The following NRF1 variants were observed in gnomAD, a reference collection of about 807,000 sequenced individuals.
NRF1 encodes alpha palindromic-binding protein.
A neutral mutation model predicts 58.5 loss-of-function variants in NRF1; 5 were observed. The ratio of observed to expected loss-of-function variants is 0.09; its 90% CI spans 0.04 to 0.18. The LOEUF (loss-of-function observed/expected upper bound fraction) is 0.18, where lower values mean the gene tolerates loss of function less well. Among genes scored for constraint, NRF1 ranks in the 10% least tolerant of loss-of-function variants. The pLI, the probability that NRF1 is intolerant of heterozygous loss-of-function variation, is 1.00. For missense variants in NRF1, 288 were observed against 657.7 expected (o/e 0.44, Z 6.15); for synonymous variants, 224 against 246.7 (o/e 0.91, Z 0.86).
At chr7:129,642,085 TCTC>T (rs1473613362) in intron 1 of NRF1, among the ~76,000 whole-genome samples, 7 of 151,776 alleles carry the variant, frequency 4.6e-5, no homozygotes, top group Non-Finnish European at 8.8e-5. Flanking sequence ...TTCCAGCAAT[TCTC>T]CTGCCTCAGC....
chr7:129,667,000 C>T (rs898049340), intron 2 of NRF1, among the ~76,000 whole-genome samples: 25 of 152,088 alleles, frequency 1.6e-4, no homozygotes, highest in Non-Finnish European at 3.2e-4. Context: ...AAATTGTATA[C>T]TCTGTGATAT....
At chr7:129,619,459 CGTG>C (rs1800735564) in intron 1 of NRF1, among the ~76,000 whole-genome samples, 2 of 61,164 alleles carry the variant, frequency 3.3e-5, no homozygotes, top group Non-Finnish European at 5.8e-5. Flanking sequence ...TATATATACA[CGTG>C]TGTGTGTGTG....
At chr7:129,639,851 C>T (rs2151066784) in intron 1 of NRF1, among the ~76,000 whole-genome samples, 1 of 152,236 alleles carries the variant, frequency 6.6e-6, no homozygotes, top group South Asian at 2.1e-4. Flanking sequence ...CTCTTCCGCC[C>T]CCCCTTTTTT....
At chr7:129,618,521 CCT>C (rs1241917244) in intron 1 of NRF1, among the ~76,000 whole-genome samples, 3 of 152,054 alleles carry the variant, frequency 2.0e-5, no homozygotes, top group African/African-American at 7.2e-5. Flanking sequence ...GTTGTGAGAC[CCT>C]GTTTCTACAA....
intron 1 of NRF1, among the ~76,000 whole-genome samples, chr7:129,652,603 A>T (rs1221158617): frequency 6.6e-6 from 1 of 151,950 alleles, no homozygotes; most frequent in African/African-American, 2.4e-5. Context: ...ATTTTTATTT[A>T]TTTATTTATT....
rs547820377 is a variant in NRF1, at chr7:129,719,201, C to T, written c.1223+1825C>T. Among the ~76,000 whole-genome samples, 7 of 151,248 alleles carry T rather than the reference C, an allele frequency of 4.6e-5. No individual in the cohort carries two copies. In the South Asian group the frequency reaches 1.0e-3, roughly 23 times the overall value. ...AGGCTGAAGTACAATGGCATGTTCT[C>T]GGCTCACCACAACCTCCGCCTGCCG... On this transcript the variant is annotated intron_variant, in intron 9 of 10. Coordinates refer to ENST00000393232, the MANE Select transcript of NRF1 (RefSeq NM_005011.5).
At chr7:129,689,311 G>A (rs1375138116) in intron 4 of NRF1, among the ~76,000 whole-genome samples, 2 of 152,080 alleles carry the variant, frequency 1.3e-5, no homozygotes, top group African/African-American at 2.4e-5. Context: ...AGTGTATAGA[G>A]TCCAGCCCAC....
intron 8 of NRF1, among the ~76,000 whole-genome samples, chr7:129,714,480 T>C (rs1803144282): frequency 6.6e-6 from 1 of 152,200 alleles, no homozygotes; most frequent in Non-Finnish European, 1.5e-5. Context: ...AGTGGATGTT[T>C]TGAGCGGACT....
chr7:129,747,914 T>A (rs191166933), intron 10 of NRF1, among the ~76,000 whole-genome samples: 2 of 152,312 alleles, frequency 1.3e-5, no homozygotes, highest in African/African-American at 2.4e-5. Context: ...AAGAGTATGA[T>A]CAATGATACA....
At chr7:129,661,886 G>A (rs6964297) in intron 2 of NRF1, among the ~76,000 whole-genome samples, 23,874 of 150,196 alleles carry the variant, frequency 0.16, 2,765 homozygotes, top group African/African-American at 0.25. Flanking sequence ...TGCTGATAAG[G>A]ACATACTCAA....
At chr7:129,702,555 C>A (rs1170280307) in intron 5 of NRF1, among the ~76,000 whole-genome samples, 1 of 152,130 alleles carries the variant, frequency 6.6e-6, no homozygotes, top group Non-Finnish European at 1.5e-5. Context: ...AAATAATTCC[C>A]AATATAGGGC....
chr7:129,734,420 C>A (rs1803657650), intron 10 of NRF1, among the ~76,000 whole-genome samples: 1 of 152,204 alleles, frequency 6.6e-6, no homozygotes, highest in Admixed American at 6.5e-5. Context: ...TCCACAAATA[C>A]AGGGTGATAA....
chr7:129,735,509 G>T (rs1383601929), intron 10 of NRF1, among the ~76,000 whole-genome samples: 1 of 152,092 alleles, frequency 6.6e-6, no homozygotes, highest in Non-Finnish European at 1.5e-5. Flanking sequence ...CAGCCAGGCT[G>T]ACAGAGTGAG....
intron 1 of NRF1, among the ~76,000 whole-genome samples, chr7:129,638,729 T>C (rs903905060): frequency 5.9e-5 from 9 of 152,194 alleles, no homozygotes; most frequent in African/African-American, 2.2e-4. Context: ...TAAATGTTAT[T>C]TAGGTAGTTT....
intron 1 of NRF1, among the ~76,000 whole-genome samples, chr7:129,628,034 CTTTTTTTT>C (rs67262888): frequency 1.2e-4 from 9 of 72,094 alleles, no homozygotes; most frequent in African/African-American, 4.3e-4. Flanking sequence ...GCCAATGGTT[CTTTTTTTT>C]TTTTTTTTTT....
chr7:129,752,331 G>A (rs1804137971), intron 10 of NRF1, among the ~76,000 whole-genome samples: 1 of 151,300 alleles, frequency 6.6e-6, no homozygotes, highest in African/African-American at 2.4e-5. Context: ...GCCCAAAAGA[G>A]TGTGGCTGAT....
chr7:129,666,416 C>T (rs1801923050), intron 2 of NRF1, among the ~76,000 whole-genome samples: 1 of 152,172 alleles, frequency 6.6e-6, no homozygotes, highest in Admixed American at 6.5e-5. Context: ...CACTCTGATA[C>T]TATGTTTCTG....
At chr7:129,683,306 TGTGTGTGTGTGTGTGA>T (rs946224782) in intron 4 of NRF1, among the ~76,000 whole-genome samples, 2 of 142,368 alleles carry the variant, frequency 1.4e-5, no homozygotes, top group Admixed American at 7.0e-5. Context: ...TGTGTGTGTG[TGTGTGTGTGTGTGTGA>T]GAGAGAGAGA....
intron 10 of NRF1, among the ~76,000 whole-genome samples, chr7:129,753,625 C>G (rs1348245522): frequency 6.6e-6 from 1 of 152,100 alleles, no homozygotes; most frequent in Non-Finnish European, 1.5e-5. Context: ...TATCAGCTTT[C>G]CCTTTTTAGG....
Sources: gnomAD v4.1 joint callset for allele counts (sites outside exome capture counted in the v4.1 genomes callset) on GRCh38, gnomAD v4.1.1 for gene constraint, MANE v1.5 for transcripts, NCBI Gene and HGNC (gene_info 2026-07-23, HGNC 2026-07-21) for gene names.